The following DENND2B variants were observed in gnomAD, a reference collection of about 807,000 sequenced individuals.
The protein encoded by DENND2B is DENN domain containing 2B, also known as DENN domain-containing protein 2B.
A neutral mutation model predicts 116.0 loss-of-function variants in DENND2B; 32 were observed. The ratio of observed to expected loss-of-function variants is 0.28; its 90% CI spans 0.21 to 0.37. The LOEUF (loss-of-function observed/expected upper bound fraction) is 0.37, where lower values mean the gene tolerates loss of function less well. Among genes scored for constraint, DENND2B ranks in the 10% least tolerant of loss-of-function variants. The pLI is 1.00. For synonymous variants in DENND2B, 588 were observed against 583.9 expected (o/e 1.01, Z -0.10); for missense variants, 1,276 against 1,477.7 (o/e 0.86, Z 2.24).
intron 1 of DENND2B, chr11:8,774,406 A>G (rs1257167546): frequency 1.9e-5 from 16 of 842,532 alleles, no homozygotes; most frequent in Non-Finnish European, 2.3e-5. Flanking sequence ...CTCCATTAGA[A>G]TCTAGTGTCA....
intron 1 of DENND2B, among the ~76,000 whole-genome samples, chr11:8,904,509 T>G (rs1034752680): frequency 6.6e-6 from 1 of 152,170 alleles, no homozygotes; most frequent in East Asian, 1.9e-4. Flanking sequence ...CCTCTAAAAT[T>G]GGGAACAAGG....
chr11:8,769,291 G>A (rs1431179416), intron 1 of DENND2B, among the ~76,000 whole-genome samples: 1 of 149,222 alleles, frequency 6.7e-6, no homozygotes, highest in Non-Finnish European at 1.5e-5. Flanking sequence ...AGGCTGGAGT[G>A]CAGTGGTGCG....
At chr11:8,796,541 G>T (rs1041296992) in intron 1 of DENND2B, among the ~76,000 whole-genome samples, 5 of 152,072 alleles carry the variant, frequency 3.3e-5, no homozygotes, top group Non-Finnish European at 5.9e-5. Context: ...TCTCGAAAAA[G>T]AAAAAGAAGT....
rs1343471736 is a variant in DENND2B, at chr11:8,697,526, A to G, written c.3051T>C (p.Asp1017=). 3 of 1,613,438 alleles carry G rather than the reference A, an allele frequency of 1.9e-6. No homozygotes were observed. The highest frequency in any genetic ancestry group is 4.5e-5 in the East Asian group (2 of 44,872). ...ISQDSDSDSD[D]ECNTLNGLVS... Reference sequence around the variant, plus strand: ...ACCGTGCCCGGGCACTATTCTCACCATCGTCGGAGTCGCTGTCAGAGTCCT... The same window carrying G: ...ACCGTGCCCGGGCACTATTCTCACCGTCGTCGGAGTCGCTGTCAGAGTCCT... The change falls in exon 17 of 20, where the codon GAT becomes GAC. Residue 1017 remains aspartate, a splice_region_variant and synonymous_variant. Transcript: ENST00000313726.
chr11:8,791,824 C>T (rs763779387), intron 1 of DENND2B, among the ~76,000 whole-genome samples: 2 of 151,570 alleles, frequency 1.3e-5, no homozygotes, highest in Non-Finnish European at 2.9e-5. Flanking sequence ...TGTTATGGTA[C>T]ATCCTTAAGT....
intron 1 of DENND2B, chr11:8,756,903 AG>A (rs2053705506): frequency 5.1e-6 from 2 of 393,962 alleles, no homozygotes; most frequent in Non-Finnish European, 1.0e-5. Flanking sequence ...GGCAAAGTCT[AG>A]GCAGAAACTG....
At chr11:8,816,831 G>A (rs1190392866) in intron 4 of DENND2B, among the ~76,000 whole-genome samples, 1 of 152,182 alleles carries the variant, frequency 6.6e-6, no homozygotes, top group East Asian at 1.9e-4. Context: ...CCACATGAGA[G>A]GGCTGGACTA....
At chr11:8,751,036 C>T (rs993352098) in intron 1 of DENND2B, among the ~76,000 whole-genome samples, 10 of 152,006 alleles carry the variant, frequency 6.6e-5, no homozygotes, top group Admixed American at 4.6e-4. Flanking sequence ...ATGCACCAAT[C>T]GGCACTCTGT....
chr11:8,710,391 A>G (rs965166310), intron 11 of DENND2B, among the ~76,000 whole-genome samples: 8 of 152,008 alleles, frequency 5.3e-5, no homozygotes, highest in African/African-American at 1.9e-4. Flanking sequence ...CACCACAGAA[A>G]GGCCTCCTCC....
chr11:8,718,208 A>G (rs2045407622), intron 4 of DENND2B: 1 of 808,776 alleles, frequency 1.2e-6, no homozygotes, highest in Non-Finnish European at 2.0e-6. Context: ...GTGCCCAGCC[A>G]GAGGACAAAG....
chr11:8,907,040 GT>G (rs11367923), intron 1 of DENND2B, among the ~76,000 whole-genome samples: 125,463 of 151,966 alleles, frequency 0.83, 55,373 homozygotes, highest in Non-Finnish European at 0.96. Flanking sequence ...CACTGGACTT[GT>G]TTTTTCTCCT....
rs146486674 is a variant in DENND2B, at chr11:8,754,029, G to GCGCGCGCA, written c.-25-3305_-25-3304insTGCGCGCG. Among the ~76,000 whole-genome samples the GCGCGCGCA allele has an allele frequency of 9.4e-3, 1,298 of 138,820 alleles. 44 individuals carry two copies. Among genetic ancestry groups the GCGCGCGCA allele is most frequent in the Admixed American group, 0.067 (928 of 13,790 alleles). 91.1% of individuals were successfully genotyped at this position (138,820 alleles called of 152,430 possible). The stretch of plus-strand genomic sequence containing the variant: ...TTCTTAGATATAACACCAAAAGCGC[G>GCGCGCGCA]CACACACACACACACACACACACAC... On this transcript the variant is annotated intron_variant, in intron 1 of 19. Coordinates refer to ENST00000313726, the MANE Select transcript of DENND2B (RefSeq NM_213618.2).
At chr11:8,820,824 TG>T (rs2061732293) in intron 4 of DENND2B, among the ~76,000 whole-genome samples, 1 of 152,084 alleles carries the variant, frequency 6.6e-6, no homozygotes, top group Admixed American at 6.6e-5. Context: ...GTGCAGCCAT[TG>T]TAAGAGATGA....
intron 1 of DENND2B, chr11:8,768,946 G>C (rs1348415785): frequency 2.0e-5 from 3 of 152,242 alleles, no homozygotes. Context: ...AGGCATCATG[G>C]TCAATCCAGG....
chr11:8,700,501 C>T (rs555680449), intron 14 of DENND2B, among the ~76,000 whole-genome samples: 3 of 152,286 alleles, frequency 2.0e-5, no homozygotes, highest in East Asian at 1.9e-4. Flanking sequence ...TGAAGGCAAT[C>T]GGGAGTTCAT....
At chr11:8,845,661 G>A (rs993878777) in intron 3 of DENND2B, among the ~76,000 whole-genome samples, 2 of 152,162 alleles carry the variant, frequency 1.3e-5, no homozygotes, top group African/African-American at 4.8e-5. Flanking sequence ...TGGGAGAAGA[G>A]TGATTGAGAA....
intron 17 of DENND2B, 58 bp downstream of exon 17, chr11:8,697,467 T>C: frequency 1.4e-6 from 2 of 1,416,516 alleles, no homozygotes; most frequent in East Asian, 2.3e-5. Flanking sequence ...TATGGGGCCC[T>C]GACCCAGAGC....
In DENND2B at chr11:8,702,726, G is replaced by A. The variant is rs372430983; in HGVS notation, c.2572-6C>T. ...GGCCGCCGCAGCTCTAACACCTGCA[G>A]GAGAGCGATGGGAAAGTGGGCCGGG... On this transcript the variant is annotated splice_polypyrimidine_tract_variant and splice_region_variant and intron_variant, in intron 13 of 19. Coordinates refer to ENST00000313726, the MANE Select transcript of DENND2B (RefSeq NM_213618.2). The surrounding 1 kb of genome is among the most constrained non-coding windows in gnomAD (Gnocchi z 4.6). The A allele has an allele frequency of 1.7e-5, 28 of 1,610,332 alleles. No individual in the cohort carries two copies. The African/African-American group carries it at 2.9e-4, about 17-fold the overall frequency.
chr11:8,706,448 A>G (rs2042621432), intron 13 of DENND2B, among the ~76,000 whole-genome samples: 1 of 149,882 alleles, frequency 6.7e-6, no homozygotes, highest in Non-Finnish European at 1.5e-5. Context: ...GCCTTTGCAG[A>G]TGCTGGTTCC....
Sources: allele counts gnomAD v4.1 joint callset (sites outside exome capture counted in the v4.1 genomes callset), GRCh38; gene constraint gnomAD v4.1.1; non-coding constraint Gnocchi (gnomAD v3.1); transcripts MANE v1.5; gene names NCBI Gene and HGNC (gene_info 2026-07-23, HGNC 2026-07-21).